The following CTNND2 variants were observed in gnomAD, a reference collection of about 807,000 sequenced individuals.
The protein encoded by CTNND2 is catenin delta-2.
Under a neutral mutation model 144.4 loss-of-function variants are expected in CTNND2, and 22 were observed. That is an observed-to-expected ratio of 0.15 (90% CI 0.11 to 0.22). CTNND2 has a LOEUF of 0.22. CTNND2 is among the 10% of genes least tolerant of loss of function. The pLI is 1.00. For synonymous variants in CTNND2, 751 were observed against 695.6 expected, an observed-to-expected ratio of 1.08 and a Z score of -1.25; for missense variants, 1,353 against 1,618.8, an observed-to-expected ratio of 0.84 and a Z score of 2.82.
chr5:11,328,691 G>GC, intron 9 of CTNND2, among the ~76,000 whole-genome samples: 1 of 152,058 alleles, frequency 6.6e-6, no homozygotes. Flanking sequence ...TCTCTCAGGG[G>GC]CTACCATACT....
intron 5 of CTNND2, among the ~76,000 whole-genome samples, chr5:11,400,923 GTTTC>G (rs1760592096): frequency 1.3e-5 from 2 of 152,202 alleles, no homozygotes; most frequent in Non-Finnish European, 2.9e-5. Context: ...TCAAAACACT[GTTTC>G]TTTAAGTCAT....
intron 5 of CTNND2, among the ~76,000 whole-genome samples, chr5:11,407,143 T>C (rs1761162876): frequency 6.6e-6 from 1 of 152,216 alleles, no homozygotes; most frequent in South Asian, 2.1e-4. Context: ...TACTTGGTCC[T>C]AGGCAGTTCA....
At chr5:11,335,649 CG>C (rs1398036776) in intron 9 of CTNND2, among the ~76,000 whole-genome samples, 1 of 152,116 alleles carries the variant, frequency 6.6e-6, no homozygotes, top group Non-Finnish European at 1.5e-5. Flanking sequence ...TAGGGTCTGG[CG>C]GCGGGGAACC....
At chr5:11,395,114 C>G (rs1290235562) in intron 6 of CTNND2, among the ~76,000 whole-genome samples, 1 of 152,144 alleles carries the variant, frequency 6.6e-6, no homozygotes, top group African/African-American at 2.4e-5. Context: ...ATAGAGGGAT[C>G]TGAACAATAG....
intron 9 of CTNND2, among the ~76,000 whole-genome samples, chr5:11,304,783 G>C (rs1021385981): frequency 1.3e-5 from 2 of 152,264 alleles, no homozygotes; most frequent in South Asian, 2.1e-4. Context: ...TCAGAGTTCA[G>C]TCAGCTTCTT....
intron 9 of CTNND2, among the ~76,000 whole-genome samples, chr5:11,240,359 T>TCAG (rs1742160916): frequency 3.2e-5 from 1 of 30,966 alleles, no homozygotes; most frequent in Admixed American, 4.7e-4. Context: ...ACACACACAT[T>TCAG]CACACACACC....
At chr5:11,112,907 C>A (rs942578564) in intron 13 of CTNND2, among the ~76,000 whole-genome samples, 1 of 152,140 alleles carries the variant, frequency 6.6e-6, no homozygotes, top group African/African-American at 2.4e-5. Flanking sequence ...CTTTGGGAGG[C>A]CGAGGTGGGT....
rs2150039941 is a variant in CTNND2, at chr5:11,305,055, C to A, written c.1628+41317G>T. On this transcript the variant is annotated intron_variant, in intron 9 of 21. Transcript: ENST00000304623. ...ATGCCTGTGGTCACTGCGCTTGCAT[C>A]TCCCAGTCACCACTCTCACTGCCTT... 2.0e-5 allele frequency among the ~76,000 whole-genome samples: 3 copies of A among 152,350 alleles called. No homozygotes were observed. In the South Asian group the frequency reaches 6.2e-4, roughly 32 times the overall value.
intron 9 of CTNND2, among the ~76,000 whole-genome samples, chr5:11,301,969 G>C (rs915497057): frequency 1.3e-5 from 2 of 152,086 alleles, no homozygotes; most frequent in African/African-American, 4.8e-5. Context: ...AGAGGGAGTG[G>C]GTAAACTGGA....
chr5:11,471,628 C>T (rs1767245422), intron 3 of CTNND2, among the ~76,000 whole-genome samples: 1 of 152,188 alleles, frequency 6.6e-6, no homozygotes. Context: ...ATCTGACAGG[C>T]ATAGCTTGAC....
At chr5:11,397,572 AT>A (rs1299480505) in intron 5 of CTNND2, among the ~76,000 whole-genome samples, 1 of 152,186 alleles carries the variant, frequency 6.6e-6, no homozygotes, top group Non-Finnish European at 1.5e-5. Flanking sequence ...GTACCTGTTA[AT>A]TTTGCTAATA....
chr5:11,135,862 T>C (rs1300216724), intron 12 of CTNND2, among the ~76,000 whole-genome samples: 2 of 152,216 alleles, frequency 1.3e-5, no homozygotes, highest in African/African-American at 4.8e-5. Context: ...TAGCCACAAC[T>C]TTGCCCTTGC....
intron 2 of CTNND2, among the ~76,000 whole-genome samples, chr5:11,636,997 A>T (rs1302224554): frequency 3.3e-5 from 5 of 152,206 alleles, no homozygotes; most frequent in East Asian, 1.9e-4. Context: ...AGGAAAAAAA[A>T]GGTTACCAGC....
chr5:11,604,043 C>T (rs1779933960), intron 2 of CTNND2, among the ~76,000 whole-genome samples: 1 of 152,176 alleles, frequency 6.6e-6, no homozygotes, highest in Admixed American at 6.5e-5. Flanking sequence ...TAAGGCATAA[C>T]TGAAACTTCA....
intron 3 of CTNND2, among the ~76,000 whole-genome samples, chr5:11,525,038 C>T (rs950388575): frequency 1.4e-4 from 22 of 152,180 alleles, no homozygotes; most frequent in African/African-American, 5.3e-4. Context: ...GAAAAGCAGG[C>T]TGTCTGAAGA....
chr5:11,711,218 G>C (rs1205809655), intron 2 of CTNND2, among the ~76,000 whole-genome samples: 2 of 152,066 alleles, frequency 1.3e-5, no homozygotes, highest in Non-Finnish European at 2.9e-5. Flanking sequence ...ACCACGCCAG[G>C]CTAATTTTTG....
At chr5:11,598,315 C>T (rs1010159460) in intron 2 of CTNND2, among the ~76,000 whole-genome samples, 1 of 152,238 alleles carries the variant, frequency 6.6e-6, no homozygotes, top group East Asian at 1.9e-4. Context: ...CATCCCTCTA[C>T]ACCACAACCA....
At chr5:11,412,521 C>T (rs1301848646) in intron 3 of CTNND2, among the ~76,000 whole-genome samples, 1 of 152,106 alleles carries the variant, frequency 6.6e-6, no homozygotes, top group East Asian at 1.9e-4. Flanking sequence ...TTAAAATTTC[C>T]CTTTAGTTGA....
chr5:11,843,483 G>A (rs924709910), intron 1 of CTNND2, among the ~76,000 whole-genome samples: 5 of 152,138 alleles, frequency 3.3e-5, no homozygotes, highest in Admixed American at 2.0e-4. Context: ...AGGATTCCCA[G>A]ACAGCCTGTA....
Sources: gnomAD v4.1 joint callset for allele counts (sites outside exome capture counted in the v4.1 genomes callset) on GRCh38, gnomAD v4.1.1 for gene constraint, MANE v1.5 for transcripts, NCBI Gene and HGNC (gene_info 2026-07-23, HGNC 2026-07-21) for gene names.